Variants in USP9X observed in about 807,000 individuals in gnomAD.
USP9X encodes ubiquitin specific peptidase 9 X-linked, also known as ubiquitin carboxyl-terminal hydrolase 9X.
Under a neutral mutation model 190.3 loss-of-function variants are expected in USP9X, and 7 were observed. The observed-to-expected ratio is 0.04, with a 90% CI of 0.02 to 0.07. USP9X has a LOEUF of 0.07. Ranked by LOEUF, USP9X falls within the 10% of genes least tolerant of loss-of-function variation. The pLI, the probability that USP9X is intolerant of heterozygous loss-of-function variation, is 1.00. For missense variants in USP9X, 1,010 were observed against 1,916.9 expected (o/e 0.53, Z 8.83); for synonymous variants, 645 against 659.5 (o/e 0.98, Z 0.34).
chrX:41,224,461 C>A (rs1428725578), intron 39 of USP9X, among the ~76,000 whole-genome samples: 1 of 108,298 alleles, frequency 9.2e-6, no homozygotes, highest in Non-Finnish European at 1.9e-5. Context: ...ATGGCAAAAC[C>A]CCGTCTCTAC....
chrX:41,151,288 T>C (rs991217738), intron 13 of USP9X, among the ~76,000 whole-genome samples: 1 of 111,299 alleles, frequency 9.0e-6, no homozygotes, highest in Admixed American at 9.6e-5. Context: ...TAATATTGCC[T>C]TTGGGTTCTT....
intron 26 of USP9X, chrX:41,189,931 A>G (rs2062915994): frequency 8.9e-6 from 1 of 112,587 alleles, no homozygotes; most frequent in Non-Finnish European, 1.9e-5. Context: ...TTTCATTTCA[A>G]GAGCATTTAA....
At chrX:41,102,655 T>C (rs2062042214) in intron 1 of USP9X, among the ~76,000 whole-genome samples, 1 of 111,842 alleles carries the variant, frequency 8.9e-6, no homozygotes, top group Admixed American at 9.5e-5. Context: ...AATACTGCCT[T>C]GTCTAAAATG....
intron 1 of USP9X, among the ~76,000 whole-genome samples, chrX:41,116,401 C>T (rs1601945029): frequency 8.9e-6 from 1 of 112,176 alleles, no homozygotes; most frequent in Non-Finnish European, 1.9e-5. Context: ...AGAGCTTGTT[C>T]TAGCCCTGCT....
At chrX:41,216,674 C>A (rs771563992) in intron 35 of USP9X, 22 bp downstream of exon 35, 3 of 1,168,049 alleles carry the variant, frequency 2.6e-6, no homozygotes, top group South Asian at 3.9e-5. Context: ...GAGAGTTTAG[C>A]TTCTTAGTAA....
intron 2 of USP9X, among the ~76,000 whole-genome samples, chrX:41,125,530 G>A (rs193047390): frequency 0.015 from 1,585 of 106,648 alleles, 13 homozygotes; most frequent in South Asian, 0.028. Context: ...GTGTCTTGGG[G>A]CCTATGGTAA....
intron 7 of USP9X, 36 bp from the exon 8 acceptor site, chrX:41,140,930 C>A (rs371767539): frequency 3.5e-6 from 4 of 1,135,301 alleles, no homozygotes; most frequent in African/African-American, 1.9e-5. Context: ...TAAGAAATTG[C>A]GTATTTACAG....
intron 1 of USP9X, among the ~76,000 whole-genome samples, chrX:41,089,991 C>G: frequency 1.0e-5 from 1 of 100,299 alleles, no homozygotes. Flanking sequence ...GCAGCCTCCA[C>G]CTCTCCTGGG....
At chrX:41,203,590 C>A (rs945010271) in intron 31 of USP9X, among the ~76,000 whole-genome samples, 13 of 112,328 alleles carry the variant, frequency 1.2e-4, no homozygotes, top group Non-Finnish European at 1.7e-4. Context: ...ATAAGGCTGC[C>A]ATGAACATGG....
intron 1 of USP9X, among the ~76,000 whole-genome samples, chrX:41,114,731 G>A (rs1055903412): frequency 4.3e-4 from 47 of 108,683 alleles, no homozygotes; most frequent in Admixed American, 9.8e-4. Context: ...TGATCCGCCC[G>A]CCTCAGCCTC....
In USP9X at chrX:41,172,060, A is replaced by G. The variant is rs143077280; in HGVS notation, c.3148+102A>G. ...ACCGTGCTTTTTGGTATAGACTATA[A>G]CAAGAGTTGACAGATGACAGCCCAC... On this transcript the variant is annotated intron_variant, in intron 21 of 44. Coordinates refer to ENST00000378308, the MANE Select transcript of USP9X (RefSeq NM_001039591.3). 1.3e-3 allele frequency: 1,178 copies of G among 926,500 alleles called. 6 individuals carry two copies. The African/African-American group carries it at 0.015, about 11-fold the overall frequency. 76.4% of individuals were successfully genotyped at this position (926,500 alleles called of 1,213,427 possible).
At chrX:41,141,515 A>G (rs1252139964) in intron 9 of USP9X, 84 bp downstream of exon 9, 7 of 923,521 alleles carry the variant, frequency 7.6e-6, no homozygotes, top group Non-Finnish European at 7.0e-6. Context: ...AAAATTAGTA[A>G]TAGTAACATT....
chrX:41,189,324 G>A lies in USP9X; in HGVS notation c.3826G>A (p.Glu1276Lys). The A allele has an allele frequency of 8.3e-7, 1 of 1,209,813 alleles. No homozygotes were observed. Among genetic ancestry groups the A allele is most frequent in the Non-Finnish European group, 1.1e-6 (1 of 894,518 alleles). ...AATTTTACAGACCAATGCAGGCAATGAGCCAGACTTGGAAGACGAACAGGT... is the reference window on the plus strand; with the variant it reads ...AATTTTACAGACCAATGCAGGCAATAAGCCAGACTTGGAAGACGAACAGGT... ...KIYEKTNAGNEPDLEDEQVCC... is the reference protein window; with the variant it reads ...KIYEKTNAGNKPDLEDEQVCC... Residue 1276 changes from glutamate (E) to lysine (K), a missense_variant, in exon 26 of 45, where the codon GAG becomes AAG. Physicochemically the swap from Glu to Lys is moderately conservative, Grantham distance 56. This residue lies in a region of USP9X where 351 missense variants were observed against 480.8 expected (regional missense o/e 0.73). Transcript: ENST00000378308.
chrX:41,154,150 A>AT (rs947340139), intron 14 of USP9X, among the ~76,000 whole-genome samples: 7 of 111,460 alleles, frequency 6.3e-5, no homozygotes, highest in African/African-American at 2.3e-4. Context: ...GGGCCAATAG[A>AT]TTGTTAGAGC....
At position 41,168,236 on chromosome X, in the gene USP9X, C is replaced by G; in HGVS notation, c.2636+18C>G. 1 of 1,130,817 alleles carries G rather than the reference C, an allele frequency of 8.8e-7. No homozygotes were observed. The highest frequency in any genetic ancestry group is 1.2e-6 in the Non-Finnish European group (1 of 837,464). The allele number at this position is 1,130,817 out of a possible 1,213,427, so 93.2% of individuals were successfully genotyped here. A position where few individuals can be genotyped will look rare whatever the true frequency, so the allele number is the denominator to read the frequency against. ...ATGTCGAGGTTTGTGAATAACTAATCTATTGGTGCTAATTCTTAATTATTT... is the reference window on the plus strand; with the variant it reads ...ATGTCGAGGTTTGTGAATAACTAATGTATTGGTGCTAATTCTTAATTATTT... On this transcript the variant is annotated intron_variant, in intron 18 of 44. Transcript: ENST00000378308.
intron 1 of USP9X, among the ~76,000 whole-genome samples, chrX:41,091,187 A>G (rs2061952844): frequency 1.2e-5 from 1 of 81,986 alleles, no homozygotes; most frequent in Non-Finnish European, 2.4e-5. Flanking sequence ...TTGTTATGGT[A>G]TATGCCAATT....
chrX:41,165,126 A>G (rs2062667584), intron 15 of USP9X, among the ~76,000 whole-genome samples: 1 of 109,619 alleles, frequency 9.1e-6, no homozygotes, highest in African/African-American at 3.3e-5. Context: ...TGAATACCTC[A>G]TTTTTCAATG....
Position 41,085,481 on chromosome X carries a change from C to A in USP9X, c.-787C>A, listed in dbSNP as rs1250023846. On this transcript the variant is annotated 5_prime_UTR_variant, in exon 1 of 45. Coordinates refer to ENST00000378308, the MANE Select transcript of USP9X (RefSeq NM_001039591.3). The stretch of plus-strand genomic sequence containing the variant: ...CCGCCATATTGACGAGGACGGGCAT[C>A]CGCGGCTGCGGACGCTAGTCTCCGC... Among the ~76,000 whole-genome samples the A allele has an allele frequency of 3.0e-4, 32 of 105,602 alleles. No individual in the cohort carries two copies. The highest frequency in any genetic ancestry group is 1.1e-3 in the African/African-American group (31 of 29,147). The allele number at this position is 105,602 out of a possible 115,157, so 91.7% of individuals were successfully genotyped here.
chrX:41,203,970 T>TGAGCAC (rs2147209166), intron 31 of USP9X, among the ~76,000 whole-genome samples: 1 of 112,104 alleles, frequency 8.9e-6, no homozygotes, highest in East Asian at 2.8e-4. Context: ...AGTGCTGGGA[T>TGAGCAC]TATAGGCATG....
Sources: allele counts gnomAD v4.1 joint callset (sites outside exome capture counted in the v4.1 genomes callset), GRCh38; gene constraint gnomAD v4.1.1; regional missense constraint gnomAD v4.1.1; transcripts MANE v1.5; gene names NCBI Gene and HGNC (gene_info 2026-07-23, HGNC 2026-07-21).